Variants in TGM6 observed in about 807,000 individuals in gnomAD.
TGM6 encodes protein-glutamine gamma-glutamyltransferase 6.
TGM6 carries 74 observed loss-of-function variants against 77.5 expected under a neutral mutation model. The observed-to-expected ratio is 0.96, with a 90% CI of 0.79 to 1.16. The LOEUF is 1.16. Among genes scored for constraint, TGM6 ranks in the 50% most tolerant of loss-of-function variants. The probability of loss-of-function intolerance (pLI) is 0.00; values close to 1 mark genes in which losing one functional copy is unlikely to be tolerated. For missense variants in TGM6, 968 were observed against 940.2 expected, an observed-to-expected ratio of 1.03 and a Z score of -0.39; for synonymous variants, 383 against 378.9, an observed-to-expected ratio of 1.01 and a Z score of -0.12.
At chr20:2,396,475 G>A (rs777437881) in intron 3 of TGM6, 31 bp from the exon 4 acceptor site, 7 of 1,609,220 alleles carry the variant, frequency 4.3e-6, no homozygotes, top group Non-Finnish European at 5.1e-6. Context: ...CAGAGCCCCA[G>A]TCCACACCGG....
intron 9 of TGM6, among the ~76,000 whole-genome samples, chr20:2,416,005 G>A (rs919698834): frequency 6.6e-6 from 1 of 152,096 alleles, no homozygotes; most frequent in South Asian, 2.1e-4. Flanking sequence ...CTCTAGGGGG[G>A]GCTGCTATTG....
Position 2,429,763 on chromosome 20 carries a change from G to A in TGM6, c.1679-683G>A, listed in dbSNP as rs377331959. The stretch of plus-strand genomic sequence containing the variant: ...CAGCCTCGCGACAGAGCGAGACTCC[G>A]TCTCCAAAAAAAAAAAAAGACTGAG... On this transcript the variant is annotated intron_variant, in intron 10 of 12. Transcript: ENST00000202625. 1.5e-3 allele frequency among the ~76,000 whole-genome samples: 224 copies of A among 150,816 alleles called. 1 individual carries two copies. The highest frequency in any genetic ancestry group is 5.1e-3 in the African/African-American group (209 of 41,096).
At chr20:2,407,241 A>G (rs1181633099) in intron 9 of TGM6, among the ~76,000 whole-genome samples, 1 of 152,256 alleles carries the variant, frequency 6.6e-6, no homozygotes, top group Admixed American at 6.5e-5. Context: ...TAGGTTAACA[A>G]AAATAATAGT....
chr20:2,431,081 G>A, intron 12 of TGM6, 54 bp downstream of exon 12: 1 of 1,571,788 alleles, frequency 6.4e-7, no homozygotes, highest in Non-Finnish European at 8.6e-7. Flanking sequence ...CCTTGTGGAT[G>A]AGCCAGAGAG....
At chr20:2,392,610 G>T (rs2422771) in intron 1 of TGM6, among the ~76,000 whole-genome samples, 136,590 of 152,236 alleles carry the variant, frequency 0.9, 61,501 homozygotes, top group Non-Finnish European at 0.93. Context: ...GGAACTGAGA[G>T]GCAGAGAGGT....
At position 2,400,303 on chromosome 20, in the gene TGM6, C is replaced by T; in HGVS notation, c.851-3C>T. On this transcript the variant is annotated splice_region_variant and splice_polypyrimidine_tract_variant and intron_variant, in intron 6 of 12. Coordinates refer to ENST00000202625, the MANE Select transcript of TGM6 (RefSeq NM_198994.3). ...GCCTGCTCCGAGCCTCTCTGCTCTG[C>T]AGTCCTCAGGTGCTTGGGGATAGCC... 1 of 1,614,172 alleles carries T rather than the reference C, an allele frequency of 6.2e-7. No individual in the cohort carries two copies. The highest frequency in any genetic ancestry group is 8.5e-7 in the Non-Finnish European group (1 of 1,180,018).
chr20:2,383,524 A>T lies in TGM6; in HGVS notation c.7+2549A>T, dbSNP rs2084570049. On this transcript the variant is annotated intron_variant, in intron 1 of 12. Coordinates refer to ENST00000202625, the MANE Select transcript of TGM6 (RefSeq NM_198994.3). ...GATGGGCAGGGCCTGACTGTCAAGG[A>T]CCTTCAATGCCAACAAGATGGCTGT... Among the ~76,000 whole-genome samples the T allele has an allele frequency of 2.0e-5, 3 of 152,166 alleles. No homozygotes were observed. In the South Asian group the frequency reaches 6.2e-4, roughly 32 times the overall value.
chr20:2,387,874 G>T (rs1463160852), intron 1 of TGM6, among the ~76,000 whole-genome samples: 2 of 152,316 alleles, frequency 1.3e-5, no homozygotes, highest in African/African-American at 4.8e-5. Context: ...CAGTCCCATG[G>T]CTTCCAGATA....
chr20:2,389,940 C>G (rs1435612186), intron 1 of TGM6, among the ~76,000 whole-genome samples: 2 of 152,170 alleles, frequency 1.3e-5, no homozygotes, highest in Non-Finnish European at 2.9e-5. Context: ...ATGACACTAG[C>G]CTCAATTCAT....
chr20:2,417,136 A>T (rs2084821476), intron 9 of TGM6, 96 bp from the exon 10 acceptor site: 1 of 1,098,282 alleles, frequency 9.1e-7, no homozygotes. Context: ...GCCGGTGTGC[A>T]TATGGCTCTT....
rs2122345081 is a variant in TGM6 at position 2,394,471 on chromosome 20, G to A, written c.27G>A (p.Val9=). MAGIRVTK[V]DWQRSRNGAA... ...ACCCAGGGATCAGAGTCACCAAGGTGGACTGGCAGCGGTCGAGGAATGGCG... is the reference window on the plus strand; with the variant it reads ...ACCCAGGGATCAGAGTCACCAAGGTAGACTGGCAGCGGTCGAGGAATGGCG... The change falls in exon 2 of 13, where the codon GTG becomes GTA. Residue 9 remains valine, a synonymous_variant. Transcript: ENST00000202625. 6.2e-7 allele frequency: 1 copy of A among 1,611,548 alleles called. No individual in the cohort carries two copies. Among genetic ancestry groups the A allele is most frequent in the Non-Finnish European group, 8.5e-7 (1 of 1,179,836 alleles).
At chr20:2,427,116 C>T (rs968018700) in intron 10 of TGM6, among the ~76,000 whole-genome samples, 9 of 151,988 alleles carry the variant, frequency 5.9e-5, no homozygotes, top group Non-Finnish European at 1.2e-4. Flanking sequence ...CACCAGTGAA[C>T]CCATCTGGGA....
rs141845519 is a variant in TGM6, at chr20:2,393,933, T to C, written c.8-519T>C. Among the ~76,000 whole-genome samples, 755 of 152,314 alleles carry C rather than the reference T, an allele frequency of 5.0e-3. 10 individuals carry two copies. The highest frequency in any genetic ancestry group is 0.016 in the African/African-American group (656 of 41,566). On this transcript the variant is annotated intron_variant, in intron 1 of 12. Coordinates refer to ENST00000202625, the MANE Select transcript of TGM6 (RefSeq NM_198994.3). ...TCACAGGAACCTAAACCTGTATTTA[T>C]TTTCCCTAAGGGCAATGGGCCAGTT...
intron 9 of TGM6, among the ~76,000 whole-genome samples, chr20:2,409,266 G>A (rs898218369): frequency 6.6e-6 from 1 of 152,082 alleles, no homozygotes; most frequent in Admixed American, 6.6e-5. Flanking sequence ...AGTCAAATTA[G>A]AAAATACTCT....
At chr20:2,397,167 C>T (rs1428293257) in intron 4 of TGM6, among the ~76,000 whole-genome samples, 2 of 152,194 alleles carry the variant, frequency 1.3e-5, no homozygotes, top group African/African-American at 2.4e-5. Flanking sequence ...ACCTCCACTT[C>T]GGCCATTGTG....
At chr20:2,387,425 T>C (rs2084603652) in intron 1 of TGM6, among the ~76,000 whole-genome samples, 1 of 152,118 alleles carries the variant, frequency 6.6e-6, no homozygotes, top group African/African-American at 2.4e-5. Flanking sequence ...TCCTGCACAG[T>C]GCTCACTCAC....
chr20:2,392,164 C>T (rs985524833), intron 1 of TGM6, among the ~76,000 whole-genome samples: 2 of 152,200 alleles, frequency 1.3e-5, no homozygotes, highest in Admixed American at 6.5e-5. Flanking sequence ...CTATCAACTG[C>T]ATGATGTCAG....
intron 10 of TGM6, among the ~76,000 whole-genome samples, chr20:2,420,207 T>C (rs2084847029): frequency 6.6e-6 from 1 of 151,970 alleles, no homozygotes; most frequent in Admixed American, 6.6e-5. Flanking sequence ...ATCGCGCCAC[T>C]GCACTCCAGC....
intron 10 of TGM6, among the ~76,000 whole-genome samples, chr20:2,429,284 G>A (rs1193218719): frequency 2.0e-5 from 3 of 152,048 alleles, no homozygotes; most frequent in Admixed American, 6.6e-5. Flanking sequence ...GTAGCAGAGC[G>A]CATGAGCCAA....
Sources: allele counts gnomAD v4.1 joint callset (sites outside exome capture counted in the v4.1 genomes callset), GRCh38; gene constraint gnomAD v4.1.1; transcripts MANE v1.5; gene names NCBI Gene and HGNC (gene_info 2026-07-23, HGNC 2026-07-21).